LOC128706666: variants seen among roughly 807,000 people sequenced by gnomAD.
the LOC128706666 span, among the ~76,000 whole-genome samples, chr20:10,429,658 T>C: frequency 3.9e-5 from 6 of 152,194 alleles, no homozygotes; most frequent in Non-Finnish European, 8.8e-5. Flanking sequence ...TCTGCCCTTT[T>C]CCTCATGCTC....
At chr20:10,430,599 G>T in the LOC128706666 span, among the ~76,000 whole-genome samples, 1 of 152,188 alleles carries the variant, frequency 6.6e-6, no homozygotes, top group African/African-American at 2.4e-5. Flanking sequence ...GTTTCAGTTA[G>T]TTAGCTAAGA....
chr20:10,415,241 T>C, the LOC128706666 span, among the ~76,000 whole-genome samples: 1 of 152,174 alleles, frequency 6.6e-6, no homozygotes, highest in Non-Finnish European at 1.5e-5. Flanking sequence ...TCCAGGAATA[T>C]GCTGAGTATG....
the LOC128706666 span, among the ~76,000 whole-genome samples, chr20:10,425,768 T>C: frequency 6.6e-6 from 1 of 152,036 alleles, no homozygotes; most frequent in Non-Finnish European, 1.5e-5. Flanking sequence ...TATTGAACTT[T>C]TCAAGTTTGG....
the LOC128706666 span, among the ~76,000 whole-genome samples, chr20:10,433,816 C>CAG: frequency 6.6e-6 from 1 of 152,156 alleles, no homozygotes; most frequent in African/African-American, 2.4e-5. Flanking sequence ...GGCGGCAGCG[C>CAG]AGGTGGGAGC....
chr20:10,416,861 G>A, the LOC128706666 span, among the ~76,000 whole-genome samples: 5 of 152,174 alleles, frequency 3.3e-5, no homozygotes, highest in Non-Finnish European at 7.3e-5. Flanking sequence ...AAGCAGCCAT[G>A]CTCATTAATT....
At chr20:10,424,243 A>T in the LOC128706666 span, among the ~76,000 whole-genome samples, 1 of 151,806 alleles carries the variant, frequency 6.6e-6, no homozygotes, top group Non-Finnish European at 1.5e-5. Flanking sequence ...TAAAAGAAAA[A>T]AATATATATT....
the LOC128706666 span, among the ~76,000 whole-genome samples, chr20:10,418,258 G>C: frequency 6.6e-6 from 1 of 152,160 alleles, no homozygotes; most frequent in African/African-American, 2.4e-5. Context: ...CTGGCAAAAC[G>C]CTGTTAACTA....
the LOC128706666 span, among the ~76,000 whole-genome samples, chr20:10,427,559 C>A: frequency 6.6e-6 from 1 of 152,160 alleles, no homozygotes; most frequent in African/African-American, 2.4e-5. Flanking sequence ...GAATTCTCAT[C>A]ATCAACATTC....
the LOC128706666 span, among the ~76,000 whole-genome samples, chr20:10,430,341 C>CTTCA: frequency 6.6e-6 from 1 of 152,194 alleles, no homozygotes; most frequent in Admixed American, 6.5e-5. Context: ...TCTCATTGTG[C>CTTCA]TTCAGTTCCA....
chr20:10,431,169 T>C, the LOC128706666 span, among the ~76,000 whole-genome samples: 1 of 152,176 alleles, frequency 6.6e-6, no homozygotes, highest in Non-Finnish European at 1.5e-5. Context: ...TATATAAAAA[T>C]AGGCACCCCT....
At chr20:10,420,387 T>C in the LOC128706666 span, 12 of 152,188 alleles carry the variant, frequency 7.9e-5, no homozygotes, top group Non-Finnish European at 1.3e-4. Context: ...AACTGCAGAA[T>C]AGTATTTTGC....
chr20:10,426,239 C>T, the LOC128706666 span, among the ~76,000 whole-genome samples: 1 of 152,208 alleles, frequency 6.6e-6, no homozygotes, highest in African/African-American at 2.4e-5. Flanking sequence ...TTGCCTAGTA[C>T]TCTACTAAGC....
At chr20:10,415,831 C>A in the LOC128706666 span, among the ~76,000 whole-genome samples, 1 of 152,000 alleles carries the variant, frequency 6.6e-6, no homozygotes, top group Non-Finnish European at 1.5e-5. Context: ...GTAGTGAGAC[C>A]AGTACACATA....
chr20:10,433,010 T>G, the LOC128706666 span, among the ~76,000 whole-genome samples: 5 of 152,136 alleles, frequency 3.3e-5, no homozygotes, highest in African/African-American at 1.2e-4. Flanking sequence ...AGAATGTTTT[T>G]ATTTATTTAT....
chr20:10,430,037 A>C, the LOC128706666 span, among the ~76,000 whole-genome samples: 4 of 112,562 alleles, frequency 3.6e-5, no homozygotes, highest in Middle Eastern at 4.3e-3. Context: ...AAAACAAAAA[A>C]CAAAAAAACA....
chr20:10,431,071 T>C, the LOC128706666 span, among the ~76,000 whole-genome samples: 3 of 152,314 alleles, frequency 2.0e-5, no homozygotes, highest in African/African-American at 4.8e-5. Flanking sequence ...TATACATTCA[T>C]AGCTTAGTAC....
At chr20:10,416,493 C>T in the LOC128706666 span, among the ~76,000 whole-genome samples, 3 of 151,784 alleles carry the variant, frequency 2.0e-5, no homozygotes, top group South Asian at 2.1e-4. Context: ...AAAAACATGA[C>T]GACAGCAACA....
chr20:10,434,177 C>G, the LOC128706666 span: 1 of 152,360 alleles, frequency 6.6e-6, no homozygotes, highest in Non-Finnish European at 1.5e-5. Context: ...CTCAAGCAGC[C>G]GCTGCTGCCG....
At chr20:10,427,029 G>GACACAGAC in the LOC128706666 span, among the ~76,000 whole-genome samples, 1 of 130,724 alleles carries the variant, frequency 7.6e-6, no homozygotes, top group South Asian at 2.6e-4. Flanking sequence ...AGAAAACACT[G>GACACAGAC]ACACACACAC....
Sources: allele counts gnomAD v4.1 joint callset (sites outside exome capture counted in the v4.1 genomes callset), GRCh38; gene constraint gnomAD v4.1.1; transcripts MANE v1.5.